LDLRAD4: variants seen among roughly 807,000 people sequenced by gnomAD.
LDLRAD4 encodes the protein low-density lipoprotein receptor class A domain-containing protein 4.
A neutral mutation model predicts 17.0 loss-of-function variants in LDLRAD4; 5 were observed. The observed-to-expected ratio is 0.29, with a 90% CI of 0.15 to 0.62. The LOEUF is 0.62. Among genes scored for constraint, LDLRAD4 ranks in the 20% least tolerant of loss-of-function variants. LDLRAD4 has a pLI of 0.84. For missense variants in LDLRAD4, 340 were observed against 424.7 expected, an observed-to-expected ratio of 0.80 and a Z score of 1.75; for synonymous variants, 168 against 171.8, an observed-to-expected ratio of 0.98 and a Z score of 0.17.
At chr18:13,618,134 AACAG>A (rs58285243) in intron 3 of LDLRAD4, among the ~76,000 whole-genome samples, 9,195 of 152,336 alleles carry the variant, frequency 0.06, 414 homozygotes, top group African/African-American at 0.12. Context: ...TGTACTCTGT[AACAG>A]ACAGGCCAGT....
intron 2 of LDLRAD4, among the ~76,000 whole-genome samples, chr18:13,410,828 T>C (rs2088266797): frequency 6.6e-6 from 1 of 152,192 alleles, no homozygotes; most frequent in South Asian, 2.1e-4. Flanking sequence ...GGCTTTTTGT[T>C]AGTGGGAAGT....
At chr18:13,283,011 A>T (rs1177603169) in intron 1 of LDLRAD4, among the ~76,000 whole-genome samples, 1 of 152,192 alleles carries the variant, frequency 6.6e-6, no homozygotes, top group African/African-American at 2.4e-5. Flanking sequence ...CACAGCCTGA[A>T]CTGTATGTTG....
At chr18:13,406,277 A>T (rs988615357) in intron 2 of LDLRAD4, among the ~76,000 whole-genome samples, 2 of 152,130 alleles carry the variant, frequency 1.3e-5, no homozygotes, top group Non-Finnish European at 2.9e-5. Context: ...AGAGTCACGG[A>T]TCTCAGTTGG....
At chr18:13,269,842 G>A (rs979241551) in intron 1 of LDLRAD4, among the ~76,000 whole-genome samples, 5 of 152,320 alleles carry the variant, frequency 3.3e-5, no homozygotes, top group African/African-American at 1.2e-4. Flanking sequence ...CCCCTTGGAT[G>A]TTCTGTCCTC....
At position 13,283,950 on chromosome 18, in the gene LDLRAD4, AC is replaced by A. The variant is rs562245005; in HGVS notation, c.-383+5763del. On this transcript the variant is annotated intron_variant, in intron 1 of 5. Coordinates refer to ENST00000359446, the Ensembl canonical transcript of LDLRAD4. ...GAATGAGGAAGAAGCAAAAGCAGAAACAAACCTATCAGATCTCGTGAGACTA... is the reference window on the plus strand; with the variant it reads ...GAATGAGGAAGAAGCAAAAGCAGAAAAAACCTATCAGATCTCGTGAGACTA... Among the ~76,000 whole-genome samples, 405 of 152,310 alleles carry A rather than the reference AC, an allele frequency of 2.7e-3. 3 individuals carry two copies. Among genetic ancestry groups the A allele is most frequent in the Non-Finnish European group, 2.6e-3 (177 of 68,018 alleles).
chr18:13,324,530 A>G (rs2081417752), intron 1 of LDLRAD4, among the ~76,000 whole-genome samples: 1 of 152,152 alleles, frequency 6.6e-6, no homozygotes, highest in African/African-American at 2.4e-5. Flanking sequence ...ACAGTGGCAG[A>G]ACGGGGAAGA....
chr18:13,347,009 T>G (rs1568032867), intron 1 of LDLRAD4, among the ~76,000 whole-genome samples: 1 of 152,236 alleles, frequency 6.6e-6, no homozygotes, highest in African/African-American at 2.4e-5. Flanking sequence ...CACTGATGGG[T>G]CTTGACTTTT....
In LDLRAD4 at chr18:13,264,537, C is replaced by T. The variant is rs137947523; in HGVS notation, c.-466-13568C>T. Among the ~76,000 whole-genome samples the T allele has an allele frequency of 5.9e-5, 9 of 151,958 alleles. No individual in the cohort carries two copies. The East Asian group carries it at 1.2e-3, about 20-fold the overall frequency. On this transcript the variant is annotated intron_variant, in intron 1 of 5. Coordinates refer to the LDLRAD4 transcript ENST00000399848. ...CTTCTCTGTGTAGATATTCTGAGCC[C>T]GATTGCTTAGGTGATGGCATTCTTG...
Position 13,280,181 on chromosome 18 carries a change from C to T in LDLRAD4, c.-383+1993C>T, listed in dbSNP as rs529491028. ...ATGCACTTTTGAGTTTTTCCCTCCT[C>T]GATGAATCTGAAAACATATGCCCTT... On this transcript the variant is annotated intron_variant, in intron 1 of 5. Transcript: ENST00000359446. 16 of 152,290 alleles carry T rather than the reference C, an allele frequency of 1.1e-4. No individual in the cohort carries two copies. In the South Asian group the frequency reaches 1.9e-3, roughly 18 times the overall value. 9.4% of individuals were successfully genotyped at this position (152,290 alleles called of 1,614,324 possible). A position where few individuals can be genotyped will look rare whatever the true frequency, so the allele number is the denominator to read the frequency against.
chr18:13,610,374 A>G (rs1434941440), intron 3 of LDLRAD4, among the ~76,000 whole-genome samples: 1 of 137,134 alleles, frequency 7.3e-6, no homozygotes, highest in Non-Finnish European at 1.5e-5. Context: ...GGCAACTTCT[A>G]CCTCCCAGTT....
chr18:13,560,296 AGG>A (rs2094527059), intron 3 of LDLRAD4, among the ~76,000 whole-genome samples: 1 of 152,200 alleles, frequency 6.6e-6, no homozygotes, highest in South Asian at 2.1e-4. Context: ...CCATGTCACA[AGG>A]AGTCTGTCCG....
intron 3 of LDLRAD4, among the ~76,000 whole-genome samples, chr18:13,573,897 G>A (rs1011905136): frequency 1.3e-5 from 2 of 152,132 alleles, no homozygotes; most frequent in African/African-American, 2.4e-5. Context: ...TGGGTGACGC[G>A]CTCCTTCTCC....
At chr18:13,564,580 TAAAAAAAAAAAA>T (rs367805996) in intron 3 of LDLRAD4, among the ~76,000 whole-genome samples, 7 of 82,462 alleles carry the variant, frequency 8.5e-5, no homozygotes, top group Admixed American at 6.7e-4. Flanking sequence ...TCCCATTTTC[TAAAAAAAAAAAA>T]AAAAAAAAAA....
intron 3 of LDLRAD4, among the ~76,000 whole-genome samples, chr18:13,492,546 G>C (rs1045109552): frequency 4.6e-5 from 7 of 152,148 alleles, no homozygotes; most frequent in Admixed American, 4.6e-4. Flanking sequence ...CCCGTAGAAC[G>C]CCTGGCCTCA....
chr18:13,444,598 C>T lies in LDLRAD4; in HGVS notation c.181+6214C>T, dbSNP rs143962375. The stretch of plus-strand genomic sequence containing the variant: ...AACCCCCAAATTGTTCAAAGGTCAG[C>T]TGCACATAGTGGACACTCAGAGTGT... On this transcript the variant is annotated intron_variant, in intron 3 of 5. Transcript: ENST00000359446. 2.1e-3 allele frequency among the ~76,000 whole-genome samples: 313 copies of T among 152,310 alleles called. 1 individual carries two copies. The highest frequency in any genetic ancestry group is 3.9e-3 in the Non-Finnish European group (263 of 68,030).
chr18:13,325,003 ATAGAG>A (rs1311336281), intron 1 of LDLRAD4, among the ~76,000 whole-genome samples: 2 of 152,184 alleles, frequency 1.3e-5, no homozygotes, highest in African/African-American at 4.8e-5. Context: ...TAAAGTAAAC[ATAGAG>A]TAGAGGAAGA....
rs1555621220 is a variant in LDLRAD4, at chr18:13,224,478, T to TTC, written c.-467+5491_-467+5492insCT. On this transcript the variant is annotated intron_variant, in intron 1 of 5. Transcript: ENST00000399848. Reference sequence around the variant, plus strand: ...CTATAGTTTCTTTCTTTCTTTCTTTTTTTTTTTTTTTTTTTTTTTGAGACG... The same window carrying TTC: ...CTATAGTTTCTTTCTTTCTTTCTTTTTCTTTTTTTTTTTTTTTTTTTGAGACG... 6.1e-5 allele frequency among the ~76,000 whole-genome samples: 8 copies of TTC among 130,902 alleles called. No homozygotes were observed. The East Asian group carries it at 2.0e-3, about 32-fold the overall frequency. 85.9% of individuals were successfully genotyped at this position (130,902 alleles called of 152,430 possible).
chr18:13,448,610 T>G (rs886366310), intron 3 of LDLRAD4, among the ~76,000 whole-genome samples: 1 of 146,284 alleles, frequency 6.8e-6, no homozygotes, highest in Non-Finnish European at 1.5e-5. Flanking sequence ...GTGGTGGGAG[T>G]CGGGAAGGAG....
At chr18:13,329,104 T>A (rs2081700715) in intron 1 of LDLRAD4, among the ~76,000 whole-genome samples, 1 of 152,238 alleles carries the variant, frequency 6.6e-6, no homozygotes, top group South Asian at 2.1e-4. Flanking sequence ...GTTTGAGTAG[T>A]TTGCAGTCAT....
Sources: allele counts gnomAD v4.1 joint callset (sites outside exome capture counted in the v4.1 genomes callset), GRCh38; gene constraint gnomAD v4.1.1; transcripts MANE v1.5; gene names NCBI Gene and HGNC (gene_info 2026-07-23, HGNC 2026-07-21).